TNFRSF1A: variants seen among roughly 807,000 people sequenced by gnomAD.
The protein encoded by TNFRSF1A is tumor necrosis factor receptor superfamily member 1A.
TNFRSF1A carries 9 observed loss-of-function variants against 41.6 expected under a neutral mutation model. The observed-to-expected ratio is 0.22, with a 90% CI of 0.13 to 0.38. TNFRSF1A has a LOEUF of 0.38. Among genes scored for constraint, TNFRSF1A ranks in the 10% least tolerant of loss-of-function variants. TNFRSF1A has a pLI of 1.00. For synonymous variants in TNFRSF1A, 254 were observed against 248.6 expected, an observed-to-expected ratio of 1.02 and a Z score of -0.21; for missense variants, 463 against 591.5, an observed-to-expected ratio of 0.78 and a Z score of 2.25.
rs1947983970 is a variant in TNFRSF1A at position 6,328,966 on chromosome 12, AAAACT to A, written c.*341_*345del. 3.2e-6 allele frequency: 1 copy of A among 316,696 alleles called. No homozygotes were observed. The highest frequency in any genetic ancestry group is 5.7e-6 in the Non-Finnish European group (1 of 174,016). The allele number at this position is 316,696 out of a possible 1,614,324, so 19.6% of individuals were successfully genotyped here. A position where few individuals can be genotyped will look rare whatever the true frequency, so the allele number is the denominator to read the frequency against. The stretch of plus-strand genomic sequence containing the variant: ...AAAACAAAACAAAACAAAAACAAAA[AAAACT>A]GCTTATGCACTGTGAAAAAGGCTCA... On this transcript the variant is annotated 3_prime_UTR_variant, in exon 10 of 10. Transcript: ENST00000162749.
Position 6,333,457 on chromosome 12 carries a change from T to C in TNFRSF1A, c.382A>G (p.Arg128Gly), listed in dbSNP as rs1592047526. ...TVDRDTVCGC[R>G]KNQYRHYWSE... ...CAATAATGCCGGTACTGGTTCTTCCTGCAGCCACACACGGTGTCCCGGTCC... is the reference window on the plus strand; with the variant it reads ...CAATAATGCCGGTACTGGTTCTTCCCGCAGCCACACACGGTGTCCCGGTCC... The change falls in exon 4 of 10, where the codon AGG becomes GGG. Residue 128 changes from arginine (R) to glycine (G), a missense_variant. Physicochemically the swap from Arg to Gly is moderately radical, Grantham distance 125. Coordinates refer to ENST00000162749, the MANE Select transcript of TNFRSF1A (RefSeq NM_001065.4). This position sits in a 1 kb window ranked among gnomAD's most constrained non-coding sequence, Gnocchi z 6.3. The C allele has an allele frequency of 1.9e-6, 3 of 1,614,042 alleles. No homozygotes were observed. Among genetic ancestry groups the C allele is most frequent in the East Asian group, 2.2e-5 (1 of 44,898 alleles).
intron 1 of TNFRSF1A, among the ~76,000 whole-genome samples, chr12:6,340,315 G>A (rs1209557572): frequency 1.3e-5 from 2 of 152,214 alleles, no homozygotes; most frequent in Admixed American, 1.3e-4. Context: ...GGTCAAGACT[G>A]TGACACCCAT....
chr12:6,339,816 T>TGC (rs1948165865), intron 1 of TNFRSF1A, among the ~76,000 whole-genome samples: 1 of 139,244 alleles, frequency 7.2e-6, no homozygotes, highest in African/African-American at 2.7e-5. Flanking sequence ...CCTACCCCAC[T>TGC]TCTCTCTCTC....
At chr12:6,330,534 C>T (rs1211146811) in intron 7 of TNFRSF1A, 64 bp downstream of exon 7, 11 of 1,264,698 alleles carry the variant, frequency 8.7e-6, no homozygotes, top group African/African-American at 1.5e-5. Context: ...ACATGTCCAT[C>T]GCACCCACCC....
At position 6,334,580 on chromosome 12, in the gene TNFRSF1A, C is replaced by T. The variant is rs919672563; in HGVS notation, c.40-336G>A. ...AGTGCAGTGATGCAATCACTGCACC[C>T]TCCACCACCCACGCTCAAGCAGTCC... On this transcript the variant is annotated intron_variant, in intron 1 of 9. Transcript: ENST00000162749. The surrounding 1 kb of genome is among the most constrained non-coding windows in gnomAD (Gnocchi z 5.1). 4.6e-5 allele frequency among the ~76,000 whole-genome samples: 7 copies of T among 152,016 alleles called. No individual in the cohort carries two copies. Among genetic ancestry groups the T allele is most frequent in the African/African-American group, 1.7e-4 (7 of 41,384 alleles).
chr12:6,341,741 C>T lies in TNFRSF1A; in HGVS notation c.39+35G>A. 1 of 1,613,546 alleles carries T rather than the reference C, an allele frequency of 6.2e-7. No homozygotes were observed. Among genetic ancestry groups the T allele is most frequent in the Non-Finnish European group, 8.5e-7 (1 of 1,179,746 alleles). On this transcript the variant is annotated intron_variant, in intron 1 of 9. Transcript: ENST00000162749. This position sits in a 1 kb window ranked among gnomAD's most constrained non-coding sequence, Gnocchi z 4.6. ...CACGCCAGCCGGAAGGTGCCTCGCC[C>T]ACCAGCCCACTCTTCCCTTTGTCCC...
chr12:6,332,779 G>A (rs1433019822), intron 5 of TNFRSF1A, among the ~76,000 whole-genome samples: 1 of 152,236 alleles, frequency 6.6e-6, no homozygotes, highest in African/African-American at 2.4e-5. Context: ...AGCTATAAGA[G>A]TGTATGTCCT....
chr12:6,338,882 G>C (rs1948152358), intron 1 of TNFRSF1A, among the ~76,000 whole-genome samples: 1 of 152,044 alleles, frequency 6.6e-6, no homozygotes, highest in South Asian at 2.1e-4. Flanking sequence ...CACACACCTC[G>C]GCCTCCTGAA....
intron 1 of TNFRSF1A, among the ~76,000 whole-genome samples, chr12:6,340,502 C>T (rs772245793): frequency 1.3e-4 from 20 of 151,968 alleles, no homozygotes; most frequent in Non-Finnish European, 1.5e-4. Context: ...AAGGGAAGAG[C>T]GGGTGGGACT....
rs4149639 is a variant in TNFRSF1A at position 6,332,835 on chromosome 12, T to C, written c.551+234A>G. Among the ~76,000 whole-genome samples the C allele has an allele frequency of 0.06, 9,158 of 152,256 alleles. 596 individuals are homozygous for C. The highest frequency in any genetic ancestry group is 0.16 in the African/African-American group (6,525 of 41,524). The stretch of plus-strand genomic sequence containing the variant: ...GATCCAAGAATCTACATATCTGAGT[T>C]GGAAGGGCTGCCAGCCCTTGGGGCA... On this transcript the variant is annotated intron_variant, in intron 5 of 9. Coordinates refer to ENST00000162749, the MANE Select transcript of TNFRSF1A (RefSeq NM_001065.4).
At chr12:6,335,666 C>A (rs1452940546) in intron 1 of TNFRSF1A, among the ~76,000 whole-genome samples, 2 of 152,060 alleles carry the variant, frequency 1.3e-5, no homozygotes, top group African/African-American at 4.8e-5. Flanking sequence ...TCCTCAATGT[C>A]TGTTAAACAC....
In TNFRSF1A at chr12:6,329,483, C is replaced by T; in HGVS notation, c.1197G>A (p.Ala399=). 6.3e-7 allele frequency: 1 copy of T among 1,594,504 alleles called. No individual in the cohort carries two copies. The highest frequency in any genetic ancestry group is 8.5e-7 in the Non-Finnish European group (1 of 1,177,776). Residue 399 remains alanine (A), a synonymous_variant, in exon 10 of 10, where the codon GCG becomes GCA. Coordinates refer to ENST00000162749, the MANE Select transcript of TNFRSF1A (RefSeq NM_001065.4). Reference sequence around the variant, plus strand: ...TCCAGGTCGCCAGCATGCTGTATTGCGCCTCGCGCAGGCAGCGCCCGTTCT... The same window carrying T: ...TCCAGGTCGCCAGCATGCTGTATTGTGCCTCGCGCAGGCAGCGCCCGTTCT... ...ELQNGRCLRE[A]QYSMLATWRR... is the part of the protein sequence containing the mutation.
intron 5 of TNFRSF1A, chr12:6,331,326 A>G (rs2136818407): frequency 3.1e-6 from 1 of 320,006 alleles, no homozygotes; most frequent in South Asian, 2.7e-5. Context: ...TTGAGAAGGT[A>G]GCCAGCTAGC....
Position 6,333,547 on chromosome 12 carries a change from C to T in TNFRSF1A, c.323-31G>A. 1.9e-6 allele frequency: 3 copies of T among 1,613,840 alleles called. No homozygotes were observed. The highest frequency in any genetic ancestry group is 2.5e-6 in the Non-Finnish European group (3 of 1,179,888). The stretch of plus-strand genomic sequence containing the variant: ...GAGGGGAGAAGATGGGGTATGAGTC[C>T]TGCATCCTCCTGTCCCTGCATCCCC... On this transcript the variant is annotated intron_variant, in intron 3 of 9. Transcript: ENST00000162749. The surrounding 1 kb of genome is among the most constrained non-coding windows in gnomAD (Gnocchi z 6.3).
Position 6,333,903 on chromosome 12 carries a change from A to G in TNFRSF1A, c.194-38T>C. 3 of 1,602,156 alleles carry G rather than the reference A, an allele frequency of 1.9e-6. No homozygotes were observed. The highest frequency in any genetic ancestry group is 2.6e-6 in the Non-Finnish European group (3 of 1,173,686). Reference sequence around the variant, plus strand: ...CCGCAGAGTTAGGCTGCGGGTGAGAACACAAGGAAGGAGCCCCATGCTAGG... The same window carrying G: ...CCGCAGAGTTAGGCTGCGGGTGAGAGCACAAGGAAGGAGCCCCATGCTAGG... On this transcript the variant is annotated intron_variant, in intron 2 of 9. Coordinates refer to ENST00000162749, the MANE Select transcript of TNFRSF1A (RefSeq NM_001065.4). The surrounding 1 kb of genome is among the most constrained non-coding windows in gnomAD (Gnocchi z 6.3).
chr12:6,333,801 G>T lies in TNFRSF1A; in HGVS notation c.258C>A (p.Ser86Arg), dbSNP rs201798720. 2 of 1,588,344 alleles carry T rather than the reference G, an allele frequency of 1.3e-6. No individual in the cohort carries two copies. Among genetic ancestry groups the T allele is most frequent in the South Asian group, 1.1e-5 (1 of 87,888 alleles). Reference sequence around the variant, plus strand: ...GGTTTTCTGAAGCGGTGAAGGAGCCGCTCTCACACTCCCTGCAGTCCGTAT... The same window carrying T: ...GGTTTTCTGAAGCGGTGAAGGAGCCTCTCTCACACTCCCTGCAGTCCGTAT... ...GQDTDCRECE[S>R]GSFTASENHL... The change falls in exon 3 of 10, where the codon AGC (serine) becomes AGA (arginine). Residue 86 changes from serine (S) to arginine (R), a missense_variant. Transcript: ENST00000162749. This position sits in a 1 kb window ranked among gnomAD's most constrained non-coding sequence, Gnocchi z 6.3.
At chr12:6,338,665 C>T (rs1430802082) in intron 1 of TNFRSF1A, among the ~76,000 whole-genome samples, 1 of 151,418 alleles carries the variant, frequency 6.6e-6, no homozygotes, top group African/African-American at 2.4e-5. Context: ...CTGCAACCTT[C>T]ACCACCAGGA....
In TNFRSF1A at chr12:6,329,835, T is replaced by G. The variant is rs1178535061; in HGVS notation, c.1000A>C (p.Ile334Leu). The G allele has an allele frequency of 3.1e-6, 5 of 1,604,610 alleles. No individual in the cohort carries two copies. Among genetic ancestry groups the G allele is most frequent in the Non-Finnish European group, 4.2e-6 (5 of 1,176,680 alleles). ...TCCCACTTCTGAAGGGGGTTGGGGA[T>G]GGGGTCGGAGGCGAGGGCTGTCGCA... ...ILATALASDPIPNPLQKWEDS... is the reference protein window; with the variant it reads ...ILATALASDPLPNPLQKWEDS... Residue 334 changes from isoleucine to leucine, a missense_variant, in exon 9 of 10, where the codon ATC becomes CTC. Transcript: ENST00000162749.
chr12:6,333,603 G>A lies in TNFRSF1A; in HGVS notation c.323-87C>T, dbSNP rs910414627. On this transcript the variant is annotated intron_variant, in intron 3 of 9. Transcript: ENST00000162749. This position sits in a 1 kb window ranked among gnomAD's most constrained non-coding sequence, Gnocchi z 6.3. The stretch of plus-strand genomic sequence containing the variant: ...GACATACCCCTAAGTGTGTGTCTCT[G>A]TAATACACACTCACATCCATGCAGT... 6.3e-7 allele frequency: 1 copy of A among 1,596,610 alleles called. No individual in the cohort carries two copies. Among genetic ancestry groups the A allele is most frequent in the South Asian group, 1.1e-5 (1 of 89,266 alleles).
Sources: gnomAD v4.1 joint callset for allele counts (sites outside exome capture counted in the v4.1 genomes callset) on GRCh38, gnomAD v4.1.1 for gene constraint, Gnocchi (gnomAD v3.1) non-coding constraint, MANE v1.5 for transcripts, NCBI Gene and HGNC (gene_info 2026-07-23, HGNC 2026-07-21) for gene names.